GATA6: variants seen among roughly 807,000 people sequenced by gnomAD.
The protein encoded by GATA6 is transcription factor GATA-6.
In GATA6, 11 loss-of-function variants were observed where a neutral mutation model predicts 48.1. The observed-to-expected ratio is 0.23, with a 90% CI of 0.14 to 0.38. The LOEUF is 0.38. Ranked by LOEUF, GATA6 falls within the 10% of genes least tolerant of loss-of-function variation. The pLI is 1.00. For synonymous variants in GATA6, 419 were observed against 396.1 expected, an observed-to-expected ratio of 1.06 and a Z score of -0.69; for missense variants, 795 against 850.3, an observed-to-expected ratio of 0.93 and a Z score of 0.81.
In GATA6 at chr18:22,200,926, C is replaced by A; in HGVS notation, c.*103C>A. 1.7e-6 allele frequency: 2 copies of A among 1,161,658 alleles called. No individual in the cohort carries two copies. Among genetic ancestry groups the A allele is most frequent in the Non-Finnish European group, 2.4e-6 (2 of 823,472 alleles). The allele number at this position is 1,161,658 out of a possible 1,614,324, so 72.0% of individuals were successfully genotyped here. A position where few individuals can be genotyped will look rare whatever the true frequency, so the allele number is the denominator to read the frequency against. ...GACAGTGGCGACTGCGCTGACAGAA[C>A]GTGATTCTCGTGCCTTTATTTTGAA... On this transcript the variant is annotated 3_prime_UTR_variant, in exon 7 of 7. Coordinates refer to ENST00000269216, the MANE Select transcript of GATA6 (RefSeq NM_005257.6).
chr18:22,172,289 G>T lies in GATA6; in HGVS notation c.1135+10G>T. 6.5e-7 allele frequency: 1 copy of T among 1,531,198 alleles called. No individual in the cohort carries two copies. Among genetic ancestry groups the T allele is most frequent in the Non-Finnish European group, 8.7e-7 (1 of 1,144,980 alleles). The allele number at this position is 1,531,198 out of a possible 1,614,324, so 94.9% of individuals were successfully genotyped here. On this transcript the variant is annotated intron_variant, in intron 2 of 6. Coordinates refer to ENST00000269216, the MANE Select transcript of GATA6 (RefSeq NM_005257.6). The surrounding 1 kb of genome is among the most constrained non-coding windows in gnomAD (Gnocchi z 5.2). Reference sequence around the variant, plus strand: ...CGGGGTCCCAGTGCAGGTAAGGGTCGCGCCTCAGGTTCGGGGTGCGGGTCC... The same window carrying T: ...CGGGGTCCCAGTGCAGGTAAGGGTCTCGCCTCAGGTTCGGGGTGCGGGTCC...
Position 22,194,090 on chromosome 18 carries a change from A to G in GATA6, c.1621-6566A>G, listed in dbSNP as rs538724942. ...CACAGGAAAAAAAAAAAAAAATTCT[A>G]GGTGATCTAAAGATGAACTGTGGCT... is the stretch of plus-strand genomic sequence containing the variant. On this transcript the variant is annotated intron_variant, in intron 6 of 6. Coordinates refer to ENST00000269216, the MANE Select transcript of GATA6 (RefSeq NM_005257.6). Among the ~76,000 whole-genome samples, 36 of 151,976 alleles carry G rather than the reference A, an allele frequency of 2.4e-4. No homozygotes were observed. In the South Asian group the frequency reaches 7.5e-3, roughly 32 times the overall value.
At chr18:22,181,978 T>C (rs2143301889) in intron 4 of GATA6, among the ~76,000 whole-genome samples, 1 of 152,314 alleles carries the variant, frequency 6.6e-6, no homozygotes, top group East Asian at 1.9e-4. Flanking sequence ...CTAGTCTATA[T>C]CTCTTAAAAA....
chr18:22,181,073 T>C (rs1448729369), intron 3 of GATA6, among the ~76,000 whole-genome samples: 3 of 152,170 alleles, frequency 2.0e-5, no homozygotes, highest in African/African-American at 4.8e-5. Flanking sequence ...CTAAAAAAGA[T>C]ACCAGTAGTA....
chr18:22,170,289 G>T lies in GATA6; in HGVS notation c.-38+607G>T, dbSNP rs967835984. Among the ~76,000 whole-genome samples, 3 of 152,220 alleles carry T rather than the reference G, an allele frequency of 2.0e-5. No homozygotes were observed. The highest frequency in any genetic ancestry group is 7.2e-5 in the African/African-American group (3 of 41,468). On this transcript the variant is annotated intron_variant, in intron 1 of 6. Transcript: ENST00000269216. This position sits in a 1 kb window ranked among gnomAD's most constrained non-coding sequence, Gnocchi z 6.7. ...GTTTCTGCTGCTGGAGATGACCGCG[G>T]GGTGGGCCGGGTGGCCCGGCCGGCG...
intron 6 of GATA6, among the ~76,000 whole-genome samples, chr18:22,193,317 A>G (rs1376360173): frequency 1.3e-5 from 2 of 152,174 alleles, no homozygotes; most frequent in African/African-American, 4.8e-5. Flanking sequence ...CTTCTAAACT[A>G]TTACTGTCAC....
intron 3 of GATA6, among the ~76,000 whole-genome samples, chr18:22,178,891 A>C (rs926969418): frequency 2.0e-5 from 3 of 152,206 alleles, no homozygotes; most frequent in Non-Finnish European, 2.9e-5. Context: ...TTTTCTGGAA[A>C]GGCACATTGA....
chr18:22,175,010 C>T (rs1028403664), intron 2 of GATA6, among the ~76,000 whole-genome samples: 2 of 152,086 alleles, frequency 1.3e-5, no homozygotes, highest in Non-Finnish European at 2.9e-5. Flanking sequence ...TGGTGGTGCC[C>T]TTCTCCCCTG....
intron 4 of GATA6, 104 bp from the exon 5 acceptor site, chr18:22,182,653 C>G (rs571320939): frequency 1.3e-5 from 11 of 832,990 alleles, no homozygotes; most frequent in Non-Finnish European, 2.0e-5. Flanking sequence ...CCACTGCACT[C>G]GGCCGCCAAA....
Position 22,171,328 on chromosome 18 carries a change from A to G in GATA6, c.184A>G (p.Thr62Ala), listed in dbSNP as rs1389090634. The change falls in exon 2 of 7, where the codon ACG (threonine) becomes GCG (alanine). Residue 62 changes from threonine (T) to alanine (A), a missense_variant. By Grantham distance (58) the Thr-to-Ala change is moderately conservative (BLOSUM62 0). Coordinates refer to ENST00000269216, the MANE Select transcript of GATA6 (RefSeq NM_005257.6). This position sits in a 1 kb window ranked among gnomAD's most constrained non-coding sequence, Gnocchi z 7.1. ...CCCCGGCGGCGCCAGCAACTGCGGG[A>G]CGCCTCAGCTCGACACGGAGGCGGC... is the stretch of plus-strand genomic sequence containing the variant. ...RGPGGASNCG[T>A]PQLDTEAAAG... The G allele has an allele frequency of 1.3e-6, 2 of 1,587,546 alleles. No individual in the cohort carries two copies. The highest frequency in any genetic ancestry group is 4.5e-5 in the East Asian group (2 of 44,432).
Position 22,170,794 on chromosome 18 carries a change from C to A in GATA6, c.-37-314C>A, listed in dbSNP as rs1039290625. On this transcript the variant is annotated intron_variant, in intron 1 of 6. Coordinates refer to ENST00000269216, the MANE Select transcript of GATA6 (RefSeq NM_005257.6). This position sits in a 1 kb window ranked among gnomAD's most constrained non-coding sequence, Gnocchi z 6.7. ...TCTGCAGATCACCCCTGGGATCTGGCGCGCGCACGGAGAAAGGATGCGGCC... is the reference window on the plus strand; with the variant it reads ...TCTGCAGATCACCCCTGGGATCTGGAGCGCGCACGGAGAAAGGATGCGGCC... 2.5e-6 allele frequency: 1 copy of A among 394,864 alleles called. No homozygotes were observed. Among genetic ancestry groups the A allele is most frequent in the East Asian group, 5.2e-5 (1 of 19,344 alleles). The allele number at this position is 394,864 out of a possible 1,614,324, so 24.5% of individuals were successfully genotyped here.
Position 22,171,617 on chromosome 18 carries a change from G to C in GATA6, c.473G>C (p.Gly158Ala). 6.3e-7 allele frequency: 1 copy of C among 1,599,352 alleles called. No individual in the cohort carries two copies. The highest frequency in any genetic ancestry group is 8.5e-7 in the Non-Finnish European group (1 of 1,178,882). The change falls in exon 2 of 7, where the codon GGT becomes GCT. Residue 158 changes from glycine (G) to alanine (A), a missense_variant. Coordinates refer to ENST00000269216, the MANE Select transcript of GATA6 (RefSeq NM_005257.6). This position sits in a 1 kb window ranked among gnomAD's most constrained non-coding sequence, Gnocchi z 7.1. ...ACCCTCGCCGCTCTCTCCAGCCAGG[G>C]TCCGGCCGCCTACGACGGCGCGCCC... ...YQTLAALSSQ[G>A]PAAYDGAPGG...
chr18:22,175,956 A>T (rs1158750420), intron 2 of GATA6, among the ~76,000 whole-genome samples: 1 of 152,220 alleles, frequency 6.6e-6, no homozygotes, highest in Non-Finnish European at 1.5e-5. Flanking sequence ...ACTTACAATA[A>T]GTACCTTTCT....
At chr18:22,193,296 T>A (rs1305723442) in intron 6 of GATA6, among the ~76,000 whole-genome samples, 1 of 152,168 alleles carries the variant, frequency 6.6e-6, no homozygotes, top group African/African-American at 2.4e-5. Flanking sequence ...CATGTGTCTT[T>A]CATGTGTCAC....
At chr18:22,200,486 G>C (rs1320870729) in intron 6 of GATA6, 170 bp from the exon 7 acceptor site, 2 of 815,852 alleles carry the variant, frequency 2.5e-6, no homozygotes, top group Admixed American at 1.9e-5. Flanking sequence ...CCACTTGCTG[G>C]GGGCAGGGGA....
chr18:22,200,797 T>C lies in GATA6; in HGVS notation c.1762T>C (p.Ser588Pro). Residue 588 changes from serine (S) to proline (P), a missense_variant, in exon 7 of 7, where the codon TCC becomes CCC. By Grantham distance (74) the Ser-to-Pro change is moderately conservative. Coordinates refer to ENST00000269216, the MANE Select transcript of GATA6 (RefSeq NM_005257.6). Reference sequence around the variant, plus strand: ...AGTCACGTCCTCCGTGCGACCGGATTCCTGGTGCGCCCTGGCCCTGGCCTG... The same window carrying C: ...AGTCACGTCCTCCGTGCGACCGGATCCCTGGTGCGCCCTGGCCCTGGCCTG... ...AEVTSSVRPD[S>P]WCALALA The C allele has an allele frequency of 6.2e-7, 1 of 1,612,588 alleles. No homozygotes were observed. The highest frequency in any genetic ancestry group is 8.5e-7 in the Non-Finnish European group (1 of 1,179,888).
chr18:22,193,530 G>C (rs931830678), intron 6 of GATA6, among the ~76,000 whole-genome samples: 1 of 152,212 alleles, frequency 6.6e-6, no homozygotes, highest in African/African-American at 2.4e-5. Flanking sequence ...TTGGCAGTGA[G>C]GGACGGCTGG....
chr18:22,188,594 C>T (rs528208229), intron 6 of GATA6, among the ~76,000 whole-genome samples: 1 of 152,154 alleles, frequency 6.6e-6, no homozygotes, highest in African/African-American at 2.4e-5. Flanking sequence ...TATTTCAAAT[C>T]AACGATGGAC....
At chr18:22,187,564 G>A (rs796625612) in intron 6 of GATA6, among the ~76,000 whole-genome samples, 18 of 151,334 alleles carry the variant, frequency 1.2e-4, no homozygotes, top group Non-Finnish European at 1.6e-4. Flanking sequence ...CTTGAATTCC[G>A]TTTATTGACT....
Sources: gnomAD v4.1 joint callset for allele counts (sites outside exome capture counted in the v4.1 genomes callset) on GRCh38, gnomAD v4.1.1 for gene constraint, Gnocchi (gnomAD v3.1) non-coding constraint, MANE v1.5 for transcripts, NCBI Gene and HGNC (gene_info 2026-07-23, HGNC 2026-07-21) for gene names.